Variants in FLVCR1 observed in about 807,000 individuals in gnomAD.
The protein encoded by FLVCR1 is choline/ethanolamine transporter FLVCR1.
FLVCR1 carries 34 observed loss-of-function variants against 53.6 expected under a neutral mutation model. The ratio of observed to expected loss-of-function variants is 0.63; its 90% CI spans 0.48 to 0.84. The LOEUF (loss-of-function observed/expected upper bound fraction) is 0.84, where lower values mean the gene tolerates loss of function less well. FLVCR1 is among the 40% of genes least tolerant of loss of function. FLVCR1 has a pLI of 0.00. For missense variants in FLVCR1, 677 were observed against 696.7 expected (o/e 0.97, Z 0.32); for synonymous variants, 300 against 286.3 (o/e 1.05, Z -0.48).
At chr1:212,867,899 G>A (rs1435358934) in intron 2 of FLVCR1, among the ~76,000 whole-genome samples, 1 of 150,896 alleles carries the variant, frequency 6.6e-6, no homozygotes, top group East Asian at 1.9e-4. Context: ...TGCCTCCCGG[G>A]TTCACACCAT....
At chr1:212,880,042 A>G (rs537588443) in intron 3 of FLVCR1, among the ~76,000 whole-genome samples, 1 of 151,402 alleles carries the variant, frequency 6.6e-6, no homozygotes, top group Non-Finnish European at 1.5e-5. Flanking sequence ...TATGTATTAG[A>G]TTCAAAATCA....
intron 2 of FLVCR1, among the ~76,000 whole-genome samples, chr1:212,869,417 A>G (rs866277652): frequency 2.6e-5 from 4 of 152,234 alleles, no homozygotes; most frequent in Non-Finnish European, 4.4e-5. Context: ...CGACTTTCCT[A>G]CAACATGTAG....
intron 5 of FLVCR1, 125 bp downstream of exon 5, chr1:212,885,521 A>G: frequency 1.6e-6 from 1 of 626,714 alleles, no homozygotes; most frequent in Non-Finnish European, 2.9e-6. Context: ...TCTAAACACT[A>G]GTAGGTTCTC....
intron 8 of FLVCR1, 72 bp downstream of exon 8, chr1:212,889,329 A>G (rs1404213576): frequency 2.1e-6 from 2 of 945,206 alleles, no homozygotes; most frequent in Non-Finnish European, 3.5e-6. Flanking sequence ...GCTTCTCAAT[A>G]GCTTGACAGA....
intron 2 of FLVCR1, among the ~76,000 whole-genome samples, chr1:212,871,544 G>A (rs1277905325): frequency 1.3e-5 from 2 of 152,082 alleles, no homozygotes; most frequent in Non-Finnish European, 2.9e-5. Flanking sequence ...AGCCTCGCAA[G>A]TAGCTAGGAT....
chr1:212,896,427 G>A lies in FLVCR1; in HGVS notation c.*1137G>A, dbSNP rs890452069. Reference sequence around the variant, plus strand: ...AGTGGATTCTTTTCTTCACTGCAGAGTCATCACACTGTTAGAATAGTCTGC... The same window carrying A: ...AGTGGATTCTTTTCTTCACTGCAGAATCATCACACTGTTAGAATAGTCTGC... On this transcript the variant is annotated 3_prime_UTR_variant, in exon 10 of 10. Coordinates refer to ENST00000366971, the MANE Select transcript of FLVCR1 (RefSeq NM_014053.4). The A allele has an allele frequency of 1.3e-5, 2 of 152,120 alleles. No individual in the cohort carries two copies. The highest frequency in any genetic ancestry group is 2.9e-5 in the Non-Finnish European group (2 of 68,024). The allele number at this position is 152,120 out of a possible 1,614,324, so 9.4% of individuals were successfully genotyped here. A position where few individuals can be genotyped will look rare whatever the true frequency, so the allele number is the denominator to read the frequency against.
At chr1:212,874,276 G>A (rs1340840870) in intron 3 of FLVCR1, among the ~76,000 whole-genome samples, 2 of 152,112 alleles carry the variant, frequency 1.3e-5, no homozygotes, top group South Asian at 2.1e-4. Context: ...CCGAAAGTGC[G>A]GGATTACAGG....
intron 2 of FLVCR1, among the ~76,000 whole-genome samples, chr1:212,867,908 A>G (rs1013771405): frequency 1.3e-5 from 2 of 149,376 alleles, no homozygotes; most frequent in Non-Finnish European, 3.0e-5. Flanking sequence ...GGTTCACACC[A>G]TTCTCCTGCC....
intron 8 of FLVCR1, among the ~76,000 whole-genome samples, chr1:212,893,991 G>A (rs1352859883): frequency 6.6e-6 from 1 of 151,888 alleles, no homozygotes; most frequent in African/African-American, 2.4e-5. Flanking sequence ...GGCTAGGCTG[G>A]TCTCGAACTC....
chr1:212,869,510 A>G (rs934377462), intron 2 of FLVCR1, among the ~76,000 whole-genome samples: 15 of 152,234 alleles, frequency 9.9e-5, no homozygotes, highest in African/African-American at 3.6e-4. Flanking sequence ...CAAAAAATAA[A>G]TGTAATGGAT....
chr1:212,861,983 T>C (rs1664256905), intron 1 of FLVCR1, among the ~76,000 whole-genome samples: 1 of 152,166 alleles, frequency 6.6e-6, no homozygotes, highest in African/African-American at 2.4e-5. Context: ...ATCTAGCTTT[T>C]TGTAAGGGAG....
chr1:212,862,341 C>G (rs1464005106), intron 1 of FLVCR1, among the ~76,000 whole-genome samples: 1 of 152,170 alleles, frequency 6.6e-6, no homozygotes, highest in African/African-American at 2.4e-5. Context: ...ATTGCCCCCT[C>G]CCCTAGCCTG....
In FLVCR1 at chr1:212,888,476, T is replaced by G. The variant is rs1665113223; in HGVS notation, c.1308-13T>G. On this transcript the variant is annotated splice_polypyrimidine_tract_variant and intron_variant, in intron 6 of 9. Coordinates refer to ENST00000366971, the MANE Select transcript of FLVCR1 (RefSeq NM_014053.4). ...TGGTAGTTCTTTCTGTAATTCTGGA[T>G]TTATTTTCCTAGCTTCTTCATGACT... is the stretch of plus-strand genomic sequence containing the variant. The G allele has an allele frequency of 3.2e-6, 5 of 1,581,080 alleles. No homozygotes were observed. Among genetic ancestry groups the G allele is most frequent in the Non-Finnish European group, 3.5e-6 (4 of 1,150,334 alleles).
rs1664116686 is a variant in FLVCR1, at chr1:212,858,737, C to T, written c.285C>T (p.Ser95=). ...GAGCTGAGACCCCGGGGGCCGAGAG[C>T]AGCCCGCTGCCCCTTACGGCGCTCT... The part of the protein sequence containing the change: ...GAGAETPGAE[S]SPLPLTALSP... Residue 95 remains serine (S), a synonymous_variant, in exon 1 of 10, where the codon AGC becomes AGT. Coordinates refer to ENST00000366971, the MANE Select transcript of FLVCR1 (RefSeq NM_014053.4). 1 of 1,611,476 alleles carries T rather than the reference C, an allele frequency of 6.2e-7. No homozygotes were observed. The highest frequency in any genetic ancestry group is 8.5e-7 in the Non-Finnish European group (1 of 1,179,350).
chr1:212,859,284 C>T, intron 1 of FLVCR1, 94 bp downstream of exon 1: 1 of 1,564,262 alleles, frequency 6.4e-7, no homozygotes, highest in Non-Finnish European at 8.8e-7. Context: ...ATGAACTGCC[C>T]CAGGAGGTAT....
At position 212,860,350 on chromosome 1, in the gene FLVCR1, G is replaced by GTTTTTTTTT. The variant is rs567270153; in HGVS notation, c.738+1170_738+1178dup. 9.7e-4 allele frequency among the ~76,000 whole-genome samples: 83 copies of GTTTTTTTTT among 85,820 alleles called. 5 individuals are homozygous for GTTTTTTTTT. The highest frequency in any genetic ancestry group is 2.1e-3 in the African/African-American group (55 of 26,586). The allele number at this position is 85,820 out of a possible 152,430, so 56.3% of individuals were successfully genotyped here. On this transcript the variant is annotated intron_variant, in intron 1 of 9. Coordinates refer to ENST00000366971, the MANE Select transcript of FLVCR1 (RefSeq NM_014053.4). ...TATTATAAAGTTTTTTGTGTGTGTG[G>GTTTTTTTTT]TTTTTTTTTTTTTTTTTTGTAGAAA...
intron 2 of FLVCR1, chr1:212,870,313 A>T (rs1029939064): frequency 6.6e-6 from 1 of 152,256 alleles, no homozygotes; most frequent in African/African-American, 2.4e-5. Context: ...ACTGTAATTT[A>T]AAAAATTTTT....
intron 8 of FLVCR1, among the ~76,000 whole-genome samples, chr1:212,891,920 A>G (rs1587175): frequency 6.6e-6 from 1 of 152,064 alleles, no homozygotes; most frequent in Non-Finnish European, 1.5e-5. Flanking sequence ...CAGCCTATTG[A>G]TATGGAGAAA....
At chr1:212,877,302 A>G (rs1039439937) in intron 3 of FLVCR1, among the ~76,000 whole-genome samples, 3 of 151,522 alleles carry the variant, frequency 2.0e-5, no homozygotes, top group African/African-American at 7.3e-5. Context: ...AGATGTTTAT[A>G]TTATCTCCCC....
Sources: gnomAD v4.1 joint callset for allele counts (sites outside exome capture counted in the v4.1 genomes callset) on GRCh38, gnomAD v4.1.1 for gene constraint, MANE v1.5 for transcripts, NCBI Gene and HGNC (gene_info 2026-07-23, HGNC 2026-07-21) for gene names.